KSR2: variants seen among roughly 807,000 people sequenced by gnomAD.
KSR2 encodes the protein kinase suppressor of ras 2.
In KSR2, 25 loss-of-function variants were observed where a neutral mutation model predicts 107.8. That is an observed-to-expected ratio of 0.23 (90% CI 0.17 to 0.32). The LOEUF is 0.32. Ranked by LOEUF, KSR2 falls within the 10% of genes least tolerant of loss-of-function variation. KSR2 has a pLI of 1.00. For missense variants in KSR2, 887 were observed against 1,268.9 expected (o/e 0.70, Z 4.57); for synonymous variants, 480 against 507.0 (o/e 0.95, Z 0.71).
intron 5 of KSR2, among the ~76,000 whole-genome samples, chr12:117,639,328 T>C (rs1047618182): frequency 8.0e-5 from 12 of 150,722 alleles, no homozygotes; most frequent in East Asian, 1.9e-4. Context: ...TTATCATCAT[T>C]ATTATTATTA....
At chr12:117,791,857 A>C (rs750650464) in intron 3 of KSR2, among the ~76,000 whole-genome samples, 53 of 152,070 alleles carry the variant, frequency 3.5e-4, no homozygotes, top group Non-Finnish European at 7.4e-4. Context: ...AACTAAACGT[A>C]CTCTGTGTAT....
At chr12:117,574,949 G>T (rs937147218) in intron 7 of KSR2, among the ~76,000 whole-genome samples, 1 of 151,156 alleles carries the variant, frequency 6.6e-6, no homozygotes. Context: ...TCCAGGCTTC[G>T]GGAAGGGCTT....
chr12:117,487,762 C>T (rs11068508), intron 14 of KSR2, among the ~76,000 whole-genome samples: 1 of 152,252 alleles, frequency 6.6e-6, no homozygotes, highest in East Asian at 1.9e-4. Flanking sequence ...CTTCAGATTT[C>T]CACGCCTTGT....
chr12:117,697,612 T>C (rs1473782144), intron 4 of KSR2, among the ~76,000 whole-genome samples: 5 of 151,882 alleles, frequency 3.3e-5, no homozygotes, highest in Non-Finnish European at 1.5e-5. Context: ...TGGTGGCACA[T>C]GCCTGTAATC....
chr12:117,628,466 A>G (rs1225026370), intron 5 of KSR2, among the ~76,000 whole-genome samples: 4 of 152,166 alleles, frequency 2.6e-5, no homozygotes, highest in African/African-American at 9.7e-5. Context: ...CCTCAGCTGC[A>G]GGTCTGTTGG....
At chr12:117,789,680 T>A (rs1890191399) in intron 3 of KSR2, among the ~76,000 whole-genome samples, 1 of 152,126 alleles carries the variant, frequency 6.6e-6, no homozygotes, top group Admixed American at 6.6e-5. Flanking sequence ...TCCCTCCCTA[T>A]CCCTCACATT....
chr12:117,626,013 A>G (rs890235649), intron 5 of KSR2, among the ~76,000 whole-genome samples: 2 of 152,100 alleles, frequency 1.3e-5, no homozygotes, highest in African/African-American at 4.8e-5. Flanking sequence ...ATATTCTCTG[A>G]TGGTAGTTTG....
At chr12:117,962,037 C>G (rs891223305) in intron 1 of KSR2, among the ~76,000 whole-genome samples, 1 of 151,310 alleles carries the variant, frequency 6.6e-6, no homozygotes, top group Non-Finnish European at 1.5e-5. Context: ...CTCAGCTACC[C>G]AGGAGGCTGA....
chr12:117,518,071 T>C (rs558311454), intron 14 of KSR2, among the ~76,000 whole-genome samples: 1 of 152,218 alleles, frequency 6.6e-6, no homozygotes, highest in South Asian at 2.1e-4. Flanking sequence ...GGATTTAAAA[T>C]GCTGTGCAAA....
At chr12:117,861,124 T>C (rs796602921) in intron 1 of KSR2, among the ~76,000 whole-genome samples, 14 of 152,266 alleles carry the variant, frequency 9.2e-5, no homozygotes, top group African/African-American at 3.1e-4. Flanking sequence ...ACAGTTCTGT[T>C]TGCAATAGCA....
At chr12:117,641,943 A>C (rs1883381210) in intron 5 of KSR2, among the ~76,000 whole-genome samples, 1 of 152,104 alleles carries the variant, frequency 6.6e-6, no homozygotes, top group African/African-American at 2.4e-5. Context: ...CATCCACAGA[A>C]TCTTCCGTGT....
At chr12:117,791,458 T>A (rs1241676633) in intron 3 of KSR2, among the ~76,000 whole-genome samples, 1 of 152,230 alleles carries the variant, frequency 6.6e-6, no homozygotes, top group Non-Finnish European at 1.5e-5. Flanking sequence ...GTCTATCTTG[T>A]TTATTGCCTA....
intron 5 of KSR2, among the ~76,000 whole-genome samples, chr12:117,641,083 G>A (rs935350435): frequency 3.3e-5 from 5 of 152,090 alleles, no homozygotes; most frequent in African/African-American, 1.2e-4. Flanking sequence ...TTTGAAAGCT[G>A]TAAGGTTTTT....
rs561845421 is a variant in KSR2, at chr12:117,509,030, CT to C, written c.2219+15821del. Among the ~76,000 whole-genome samples, 141 of 150,378 alleles carry C rather than the reference CT, an allele frequency of 9.4e-4. 1 individual carries two copies. The highest frequency in any genetic ancestry group is 3.3e-3 in the African/African-American group (134 of 40,784). On this transcript the variant is annotated intron_variant, in intron 14 of 19. Transcript: ENST00000339824. ...ATGGGCAGGGGGACAGGTAAGGGGT[CT>C]GGGGGATATAAGATGGTTGAATTGA...
intron 4 of KSR2, among the ~76,000 whole-genome samples, chr12:117,682,429 T>C (rs1332396606): frequency 6.6e-6 from 1 of 152,102 alleles, no homozygotes. Context: ...TTTTGTTTTT[T>C]TTTTTGAGAC....
chr12:117,572,715 A>AG (rs1565906453), intron 7 of KSR2, among the ~76,000 whole-genome samples: 1 of 151,630 alleles, frequency 6.6e-6, no homozygotes, highest in African/African-American at 2.4e-5. Flanking sequence ...AAAAAAAAAA[A>AG]AGAGAAAAGA....
At chr12:117,689,361 A>G (rs1199276877) in intron 4 of KSR2, among the ~76,000 whole-genome samples, 3 of 152,208 alleles carry the variant, frequency 2.0e-5, no homozygotes, top group Non-Finnish European at 4.4e-5. Context: ...CATATTATAG[A>G]ACACTATTCA....
At chr12:117,682,901 G>A (rs1482194658) in intron 4 of KSR2, among the ~76,000 whole-genome samples, 2 of 152,144 alleles carry the variant, frequency 1.3e-5, no homozygotes, top group Non-Finnish European at 2.9e-5. Flanking sequence ...CATGAGGTTG[G>A]AGGGAGGGGA....
At chr12:117,834,022 T>C (rs7133902) in intron 3 of KSR2, among the ~76,000 whole-genome samples, 11,496 of 151,702 alleles carry the variant, frequency 0.076, 1,277 homozygotes, top group African/African-American at 0.24. Flanking sequence ...ACCCCTATAG[T>C]TCCAACTACT....
Sources: allele counts gnomAD v4.1 joint callset (sites outside exome capture counted in the v4.1 genomes callset), GRCh38; gene constraint gnomAD v4.1.1; transcripts MANE v1.5; gene names NCBI Gene and HGNC (gene_info 2026-07-23, HGNC 2026-07-21).